Variants in NAALADL2 observed in about 807,000 individuals in gnomAD.
NAALADL2 encodes N-acetylated alpha-linked acidic dipeptidase like 2, also known as inactive N-acetylated-alpha-linked acidic dipeptidase-like protein 2.
Under a neutral mutation model 87.2 loss-of-function variants are expected in NAALADL2, and 76 were observed. That is an observed-to-expected ratio of 0.87 (90% CI 0.72 to 1.05). The LOEUF (loss-of-function observed/expected upper bound fraction) is 1.05. Ranked by LOEUF, NAALADL2 falls within the 50% of genes least tolerant of loss-of-function variation. NAALADL2 has a pLI of 0.00. For missense variants in NAALADL2, 1,089 were observed against 945.8 expected, an observed-to-expected ratio of 1.15 and a Z score of -1.99; for synonymous variants, 354 against 331.0, an observed-to-expected ratio of 1.07 and a Z score of -0.75.
intron 5 of NAALADL2, among the ~76,000 whole-genome samples, chr3:175,398,645 A>G (rs1023165503): frequency 3.9e-5 from 6 of 152,074 alleles, no homozygotes; most frequent in Admixed American, 1.3e-4. Flanking sequence ...AATATTGTCA[A>G]ACTAGCCTCC....
rs1026580390 is a variant in NAALADL2 at position 174,885,945 on chromosome 3, C to A, written c.43+26495C>A. Among the ~76,000 whole-genome samples the A allele has an allele frequency of 4.9e-5, 5 of 102,542 alleles. No individual in the cohort carries two copies. The Admixed American group carries it at 5.3e-4, about 11-fold the overall frequency. The allele number at this position is 102,542 out of a possible 152,430, so 67.3% of individuals were successfully genotyped here. On this transcript the variant is annotated intron_variant, in intron 1 of 13. Transcript: ENST00000454872. ...TTTTTTTTTTTTTAGATGGAGTCTCCCACTGTTGCCCAGGCTGGAGTGCAG... is the reference window on the plus strand; with the variant it reads ...TTTTTTTTTTTTTAGATGGAGTCTCACACTGTTGCCCAGGCTGGAGTGCAG...
intron 1 of NAALADL2, among the ~76,000 whole-genome samples, chr3:174,859,957 G>A (rs1266319031): frequency 1.3e-5 from 2 of 152,058 alleles, no homozygotes; most frequent in Non-Finnish European, 2.9e-5. Context: ...CTATCAGTTA[G>A]GAGGCTGTGA....
At chr3:174,499,876 G>T (rs182054141) in intron 1 of NAALADL2, among the ~76,000 whole-genome samples, 1 of 151,864 alleles carries the variant, frequency 6.6e-6, no homozygotes, top group African/African-American at 2.4e-5. Context: ...CTGCAAATTT[G>T]TTCTTCGTTT....
At chr3:174,925,014 G>T (rs948470776) in intron 1 of NAALADL2, among the ~76,000 whole-genome samples, 1 of 152,132 alleles carries the variant, frequency 6.6e-6, no homozygotes, top group Admixed American at 6.5e-5. Context: ...CTCCCATTCT[G>T]TAGGTTGCCT....
intron 5 of NAALADL2, among the ~76,000 whole-genome samples, chr3:175,351,895 A>C (rs1220138045): frequency 2.0e-5 from 3 of 152,096 alleles, no homozygotes; most frequent in African/African-American, 7.2e-5. Flanking sequence ...ACATCATAGA[A>C]ATAAAGGAGA....
chr3:175,794,617 A>T (rs1054641083), intron 13 of NAALADL2, among the ~76,000 whole-genome samples: 1 of 152,160 alleles, frequency 6.6e-6, no homozygotes, highest in Non-Finnish European at 1.5e-5. Context: ...CTCTTGAAAA[A>T]CAGTGTAGTT....
chr3:174,855,664 T>C (rs1725758159), upstream of NAALADL2, among the ~76,000 whole-genome samples: 1 of 151,802 alleles, frequency 6.6e-6, no homozygotes, highest in Admixed American at 6.6e-5. Context: ...TTTTATTCAT[T>C]TTCACAAAAT....
intron 3 of NAALADL2, among the ~76,000 whole-genome samples, chr3:174,745,967 A>G (rs1578763129): frequency 6.6e-6 from 1 of 152,286 alleles, no homozygotes; most frequent in East Asian, 1.9e-4. Context: ...ACCCACAACC[A>G]ATATCATTCT....
chr3:175,288,821 C>T (rs1755294053), intron 4 of NAALADL2, among the ~76,000 whole-genome samples: 1 of 152,206 alleles, frequency 6.6e-6, no homozygotes, highest in Non-Finnish European at 1.5e-5. Flanking sequence ...GCTTGCCAAA[C>T]TATATCAGCT....
At chr3:175,507,268 A>G (rs1370042876) in intron 9 of NAALADL2, among the ~76,000 whole-genome samples, 1 of 152,084 alleles carries the variant, frequency 6.6e-6, no homozygotes, top group East Asian at 1.9e-4. Context: ...TCCTCTTCAG[A>G]TAGTATCCAA....
intron 3 of NAALADL2, among the ~76,000 whole-genome samples, chr3:174,793,686 C>T (rs575249189): frequency 2.3e-4 from 35 of 152,180 alleles, no homozygotes; most frequent in Admixed American, 4.6e-4. Context: ...ATTAAAAATC[C>T]GTGATCTTAT....
At chr3:175,188,271 G>T (rs924488749) in intron 2 of NAALADL2, among the ~76,000 whole-genome samples, 1 of 152,074 alleles carries the variant, frequency 6.6e-6, no homozygotes, top group Non-Finnish European at 1.5e-5. Flanking sequence ...AATACAAATT[G>T]TATTGTGCCT....
chr3:174,442,333 C>A (rs1363723639), intron 1 of NAALADL2, among the ~76,000 whole-genome samples: 3 of 151,688 alleles, frequency 2.0e-5, no homozygotes, highest in Non-Finnish European at 4.4e-5. Context: ...CCCAAGAATT[C>A]TTAATGGAAA....
At chr3:175,315,473 T>C (rs1759019115) in intron 4 of NAALADL2, among the ~76,000 whole-genome samples, 1 of 152,184 alleles carries the variant, frequency 6.6e-6, no homozygotes, top group East Asian at 1.9e-4. Flanking sequence ...AACATGTTAA[T>C]AAATTTATGT....
intron 11 of NAALADL2, among the ~76,000 whole-genome samples, chr3:175,727,120 G>A (rs757759904): frequency 3.3e-5 from 5 of 151,974 alleles, no homozygotes; most frequent in Admixed American, 6.6e-5. Context: ...AAGTGGTCCC[G>A]AGAGCCTTTG....
At chr3:175,026,482 T>TAAAA (rs59236659) in intron 1 of NAALADL2, among the ~76,000 whole-genome samples, 5 of 85,482 alleles carry the variant, frequency 5.8e-5, no homozygotes, top group African/African-American at 1.8e-4. Context: ...CCGTCTCTAC[T>TAAAA]AAAAAAAAAA....
intron 1 of NAALADL2, among the ~76,000 whole-genome samples, chr3:174,491,728 T>C (rs1718205734): frequency 6.6e-6 from 1 of 152,168 alleles, no homozygotes; most frequent in Non-Finnish European, 1.5e-5. Context: ...CATATAGTCT[T>C]ATGTTCTAAT....
intron 1 of NAALADL2, among the ~76,000 whole-genome samples, chr3:175,058,186 G>T (rs1169859891): frequency 6.6e-6 from 1 of 152,148 alleles, no homozygotes; most frequent in Non-Finnish European, 1.5e-5. Context: ...TTGTTAGTTT[G>T]AAGGAAAGGG....
At chr3:174,783,906 G>A (rs1477577901) in intron 3 of NAALADL2, among the ~76,000 whole-genome samples, 1 of 152,074 alleles carries the variant, frequency 6.6e-6, no homozygotes, top group Admixed American at 6.6e-5. Flanking sequence ...GTAGAGTTGA[G>A]AACCATCATG....
Sources: gnomAD v4.1 joint callset for allele counts (sites outside exome capture counted in the v4.1 genomes callset) on GRCh38, gnomAD v4.1.1 for gene constraint, MANE v1.5 for transcripts, NCBI Gene and HGNC (gene_info 2026-07-23, HGNC 2026-07-21) for gene names.